Variants in TASOR observed in about 807,000 individuals in gnomAD.
TASOR encodes protein TASOR.
A neutral mutation model predicts 178.6 loss-of-function variants in TASOR; 53 were observed. The ratio of observed to expected loss-of-function variants is 0.30; its 90% CI spans 0.24 to 0.37. The LOEUF (loss-of-function observed/expected upper bound fraction) is 0.37. TASOR is among the 10% of genes least tolerant of loss of function. TASOR has a pLI of 1.00. For synonymous variants in TASOR, 713 were observed against 696.2 expected, an observed-to-expected ratio of 1.02 and a Z score of -0.38; for missense variants, 1,815 against 1,971.4, an observed-to-expected ratio of 0.92 and a Z score of 1.50.
chr3:56,648,950 G>T (rs1238019767), intron 12 of TASOR, 35 bp downstream of exon 12: 17 of 1,595,976 alleles, frequency 1.1e-5, no homozygotes, highest in Non-Finnish European at 1.4e-5. Context: ...AGTTAAGAAA[G>T]AATTGTAAAA....
chr3:56,675,177 A>AT (rs111854641), intron 1 of TASOR, among the ~76,000 whole-genome samples: 24,663 of 138,464 alleles, frequency 0.18, 2,656 homozygotes, highest in South Asian at 0.41. Flanking sequence ...ATCCCACTGA[A>AT]TTTTTTTTTT....
chr3:56,680,030 A>G (rs952286415), intron 1 of TASOR, among the ~76,000 whole-genome samples: 3 of 152,176 alleles, frequency 2.0e-5, no homozygotes, highest in East Asian at 3.8e-4. Flanking sequence ...AAATATTTCT[A>G]TATTTAATGA....
intron 17 of TASOR, among the ~76,000 whole-genome samples, chr3:56,634,992 T>C (rs534640542): frequency 6.6e-6 from 1 of 152,352 alleles, no homozygotes; most frequent in African/African-American, 2.4e-5. Flanking sequence ...TTACTGTTTT[T>C]CTTTAAGCCT....
intron 1 of TASOR, among the ~76,000 whole-genome samples, chr3:56,674,201 TAAAAAA>T (rs11348732): frequency 9.8e-5 from 11 of 111,852 alleles, no homozygotes; most frequent in Non-Finnish European, 1.6e-4. Flanking sequence ...TCTTTAAGTT[TAAAAAA>T]AAAAAAAAAA....
chr3:56,671,748 T>A, intron 2 of TASOR, 56 bp from the exon 3 acceptor site: 1 of 1,340,240 alleles, frequency 7.5e-7, no homozygotes, highest in Non-Finnish European at 1.0e-6. Context: ...TTTTTCAAGC[T>A]ACAAGTTTTA....
Position 56,641,379 on chromosome 3 carries a change from C to T in TASOR, c.2589G>A (p.Val863=). 1 of 1,596,296 alleles carries T rather than the reference C, an allele frequency of 6.3e-7. No homozygotes were observed. The highest frequency in any genetic ancestry group is 8.6e-7 in the Non-Finnish European group (1 of 1,164,886). The change falls in exon 15 of 24, where the codon GTG becomes GTA. Residue 863 remains valine (V), a synonymous_variant. Transcript: ENST00000683822. ...KYSVAISTSE[V]GTDHKLHLKE... Reference sequence around the variant, plus strand: ...TCAAATGTAGCTTATGGTCAGTGCCCACTTCGCTGGTAGAAATAGCAACAG... The same window carrying T: ...TCAAATGTAGCTTATGGTCAGTGCCTACTTCGCTGGTAGAAATAGCAACAG...
At chr3:56,663,857 CTT>C (rs1427817432) in intron 7 of TASOR, 3 of 993,186 alleles carry the variant, frequency 3.0e-6, no homozygotes, top group African/African-American at 3.5e-5. Context: ...ACCAAAGTCT[CTT>C]GTCAATTATT....
chr3:56,653,014 C>T (rs2087335186), intron 11 of TASOR, among the ~76,000 whole-genome samples: 1 of 152,024 alleles, frequency 6.6e-6, no homozygotes, highest in African/African-American at 2.4e-5. Context: ...CCTGTAATCC[C>T]AGCACTTTGG....
chr3:56,647,244 CA>C lies in TASOR; in HGVS notation c.1514-22del, dbSNP rs768371808. On this transcript the variant is annotated intron_variant, in intron 13 of 23. Transcript: ENST00000683822. The stretch of plus-strand genomic sequence containing the variant: ...TTGTGCTGTAAATAAAACAAACAAA[CA>C]AAAAAGCAAACCATGTTAGCAATCA... 6.0e-6 allele frequency: 9 copies of C among 1,496,766 alleles called. No individual in the cohort carries two copies. The Admixed American group carries it at 2.3e-4, about 38-fold the overall frequency. 92.7% of individuals were successfully genotyped at this position (1,496,766 alleles called of 1,614,324 possible). A position where few individuals can be genotyped will look rare whatever the true frequency, so the allele number is the denominator to read the frequency against.
Position 56,633,146 on chromosome 3 carries a change from T to C in TASOR, c.3645A>G (p.Glu1215=), listed in dbSNP as rs553475942. 2 of 1,614,156 alleles carry C rather than the reference T, an allele frequency of 1.2e-6. No individual in the cohort carries two copies. The highest frequency in any genetic ancestry group is 2.2e-5 in the East Asian group (1 of 44,888). The part of the protein sequence containing the change: ...LSNFISQLEP[E]VFNSLVKIMK... ...TGATTTTAACCAAACTATTAAATAC[T>C]TCAGGTTCTAACTGGCTTATAAAAT... The change falls in exon 18 of 24, where the codon GAA becomes GAG. Residue 1215 remains glutamate (E), a synonymous_variant. Coordinates refer to ENST00000683822, the MANE Select transcript of TASOR (RefSeq NM_001365635.2).
chr3:56,631,576 G>GTTTTTT (rs796072760), intron 18 of TASOR, among the ~76,000 whole-genome samples: 4 of 111,018 alleles, frequency 3.6e-5, no homozygotes, highest in African/African-American at 4.0e-5. Context: ...GTGTGTCTGT[G>GTTTTTT]TTTTTTTGTT....
At chr3:56,629,969 AT>A (rs34509464) in intron 18 of TASOR, among the ~76,000 whole-genome samples, 59 of 145,704 alleles carry the variant, frequency 4.0e-4, no homozygotes, top group Non-Finnish European at 4.2e-4. Flanking sequence ...CCTGCTGGTA[AT>A]TTTTTTTTTT....
chr3:56,683,120 T>TC lies in TASOR; in HGVS notation c.-115dup. 3 of 1,221,508 alleles carry TC rather than the reference T, an allele frequency of 2.5e-6. No homozygotes were observed. The highest frequency in any genetic ancestry group is 1.6e-5 in the South Asian group (1 of 61,534). The allele number at this position is 1,221,508 out of a possible 1,614,324, so 75.7% of individuals were successfully genotyped here. Reference sequence around the variant, plus strand: ...GCTGCTCTCAGCCCACCCACCCCCTTCCCCCCGTGGCCTCAGGCTGCGCTC... The same window carrying TC: ...GCTGCTCTCAGCCCACCCACCCCCTTCCCCCCCGTGGCCTCAGGCTGCGCTC... On this transcript the variant is annotated 5_prime_UTR_variant, in exon 1 of 24. Transcript: ENST00000683822.
rs560998302 is a variant in TASOR, at chr3:56,680,298, T to C, written c.331+2378A>G. Reference sequence around the variant, plus strand: ...ACATTGTTGAGATTTAGTCAATGTATGTAAATTGCTTAGAACAATGCCCAC... The same window carrying C: ...ACATTGTTGAGATTTAGTCAATGTACGTAAATTGCTTAGAACAATGCCCAC... On this transcript the variant is annotated intron_variant, in intron 1 of 23. Coordinates refer to ENST00000683822, the MANE Select transcript of TASOR (RefSeq NM_001365635.2). Among the ~76,000 whole-genome samples the C allele has an allele frequency of 3.1e-3, 467 of 152,322 alleles. 2 individuals are homozygous for C. Among genetic ancestry groups the C allele is most frequent in the African/African-American group, 0.011 (440 of 41,586 alleles).
intron 11 of TASOR, 122 bp from the exon 12 acceptor site, chr3:56,649,179 AT>A: frequency 1.8e-6 from 1 of 568,048 alleles, no homozygotes; most frequent in East Asian, 3.1e-5. Flanking sequence ...TTAAGAAAAA[AT>A]ATTGCTAATG....
intron 19 of TASOR, 72 bp downstream of exon 19, chr3:56,628,420 C>T: frequency 7.4e-7 from 1 of 1,345,794 alleles, no homozygotes; most frequent in Non-Finnish European, 1.0e-6. Context: ...AAACACTAGT[C>T]TGGCAGACAG....
chr3:56,628,113 C>T (rs897573955), intron 19 of TASOR, among the ~76,000 whole-genome samples: 1 of 152,120 alleles, frequency 6.6e-6, no homozygotes, highest in African/African-American at 2.4e-5. Context: ...AGATAGGGCT[C>T]CTAAGACTAG....
At chr3:56,645,972 C>T (rs1396064203) in intron 14 of TASOR, among the ~76,000 whole-genome samples, 1 of 152,084 alleles carries the variant, frequency 6.6e-6, no homozygotes, top group Non-Finnish European at 1.5e-5. Flanking sequence ...CATGGTGAAA[C>T]CCCGTCTCTA....
intron 23 of TASOR, among the ~76,000 whole-genome samples, chr3:56,624,267 T>C (rs1219186518): frequency 1.3e-5 from 2 of 152,212 alleles, no homozygotes; most frequent in Non-Finnish European, 2.9e-5. Flanking sequence ...TAATCTATAA[T>C]AACTTACAAC....
Sources: allele counts gnomAD v4.1 joint callset (sites outside exome capture counted in the v4.1 genomes callset), GRCh38; gene constraint gnomAD v4.1.1; transcripts MANE v1.5; gene names NCBI Gene and HGNC (gene_info 2026-07-23, HGNC 2026-07-21).